ITPKB: variants seen among roughly 807,000 people sequenced by gnomAD.
The protein encoded by ITPKB is IP3 3-kinase B.
A neutral mutation model predicts 69.4 loss-of-function variants in ITPKB; 13 were observed. The observed-to-expected ratio is 0.19, with a 90% CI of 0.12 to 0.30. ITPKB has a LOEUF of 0.30. Ranked by LOEUF, ITPKB falls within the 10% of genes least tolerant of loss-of-function variation. The pLI, the probability that ITPKB is intolerant of heterozygous loss-of-function variation, is 1.00. For synonymous variants in ITPKB, 584 were observed against 513.7 expected, an observed-to-expected ratio of 1.14 and a Z score of -1.85; for missense variants, 1,240 against 1,250.5, an observed-to-expected ratio of 0.99 and a Z score of 0.13.
chr1:226,712,821 G>A (rs1457710024), intron 2 of ITPKB, among the ~76,000 whole-genome samples: 1 of 152,148 alleles, frequency 6.6e-6, no homozygotes, highest in Non-Finnish European at 1.5e-5. Flanking sequence ...GGTGCATCAC[G>A]GAGCACCCTG....
intron 2 of ITPKB, among the ~76,000 whole-genome samples, chr1:226,732,056 TC>T (rs1443486682): frequency 2.0e-5 from 3 of 147,400 alleles, no homozygotes; most frequent in Non-Finnish European, 4.4e-5. Flanking sequence ...GTGTATGAGT[TC>T]GTTTTTCACT....
At chr1:226,721,134 G>A (rs1005028224) in intron 2 of ITPKB, among the ~76,000 whole-genome samples, 6 of 151,138 alleles carry the variant, frequency 4.0e-5, no homozygotes, top group African/African-American at 1.5e-4. Context: ...ACCTGAGGTC[G>A]GGAGTTCGAG....
chr1:226,672,358 C>T (rs1258532163), intron 2 of ITPKB, among the ~76,000 whole-genome samples: 1 of 152,180 alleles, frequency 6.6e-6, no homozygotes, highest in East Asian at 1.9e-4. Flanking sequence ...CACTCGTACT[C>T]CATAGTTCAA....
chr1:226,643,045 C>T (rs984032781), intron 4 of ITPKB, among the ~76,000 whole-genome samples: 1 of 152,206 alleles, frequency 6.6e-6, no homozygotes, highest in African/African-American at 2.4e-5. Context: ...CGACACCAGG[C>T]CTCCTCATAG....
intron 2 of ITPKB, among the ~76,000 whole-genome samples, chr1:226,682,743 G>A (rs545620752): frequency 6.6e-6 from 1 of 152,184 alleles, no homozygotes; most frequent in Non-Finnish European, 1.5e-5. Context: ...AGACTTCCTT[G>A]GGGAGGAGCT....
chr1:226,731,978 A>C (rs1657600332), intron 2 of ITPKB, among the ~76,000 whole-genome samples: 1 of 151,834 alleles, frequency 6.6e-6, no homozygotes, highest in African/African-American at 2.4e-5. Flanking sequence ...GTTTACCCCA[A>C]ACTAAAATTT....
chr1:226,726,012 A>G (rs1469273179), intron 2 of ITPKB, among the ~76,000 whole-genome samples: 1 of 152,198 alleles, frequency 6.6e-6, no homozygotes, highest in East Asian at 1.9e-4. Flanking sequence ...TTTTTGTAAA[A>G]AAGCAAAGTC....
Position 226,737,043 on chromosome 1 carries a change from T to C in ITPKB, c.416A>G (p.Gln139Arg), listed in dbSNP as rs893891607. The change falls in exon 2 of 8, where the codon CAG (glutamine) becomes CGG (arginine). Residue 139 changes from glutamine (Q) to arginine (R), a missense_variant. Gln to Arg is a conservative substitution (Grantham distance 43). This residue lies in a region of ITPKB where 992 missense variants were observed against 853.8 expected (regional missense o/e 1.16). Transcript: ENST00000429204. The part of the protein sequence containing the change: ...RKLRILQREL[Q>R]NVQVNQKVGM... ...CACTTTCTGGTTCACCTGCACGTTC[T>C]GCAACTCGCGCTGCAAGATCCGCAG... 6.2e-6 allele frequency: 10 copies of C among 1,612,242 alleles called. No individual in the cohort carries two copies. The highest frequency in any genetic ancestry group is 3.3e-5 in the Admixed American group (2 of 60,012).
rs763407088 is a variant in ITPKB at position 226,736,325 on chromosome 1, G to A, written c.1134C>T (p.Pro378=). The change falls in exon 2 of 8, where the codon CCC becomes CCT. Residue 378 remains proline, a synonymous_variant. Coordinates refer to ENST00000429204, the MANE Select transcript of ITPKB (RefSeq NM_002221.4). ...GCTCCCCAGAGCCCGGCATGCCACA[G>A]GGCAGATATCCTTTCCCCATCTTCC... is the stretch of plus-strand genomic sequence containing the variant. ...PPGKMGKGYL[P]CGMPGSGEPE... The A allele has an allele frequency of 1.9e-6, 3 of 1,612,030 alleles. No individual in the cohort carries two copies. In the South Asian group the frequency reaches 3.3e-5, roughly 18 times the overall value.
At chr1:226,662,808 T>C (rs1669424520) in intron 2 of ITPKB, among the ~76,000 whole-genome samples, 1 of 152,236 alleles carries the variant, frequency 6.6e-6, no homozygotes, top group Non-Finnish European at 1.5e-5. Flanking sequence ...TGTGGCTAAA[T>C]GGCACTCAGC....
intron 2 of ITPKB, among the ~76,000 whole-genome samples, chr1:226,702,302 C>A (rs1435163140): frequency 1.3e-5 from 2 of 151,256 alleles, no homozygotes; most frequent in African/African-American, 4.9e-5. Flanking sequence ...GAGACTGAGG[C>A]AGGGAGAATT....
Position 226,647,176 on chromosome 1 carries a change from A to G in ITPKB, c.2237T>C (p.Met746Thr). The G allele has an allele frequency of 6.2e-7, 1 of 1,614,166 alleles. No individual in the cohort carries two copies. Among genetic ancestry groups the G allele is most frequent in the Non-Finnish European group, 8.5e-7 (1 of 1,179,986 alleles). The change falls in exon 4 of 8, where the codon ATG (methionine) becomes ACG (threonine). Residue 746 changes from methionine to threonine, a missense_variant. This residue lies in a region of ITPKB where 248 missense variants were observed against 396.7 expected (regional missense o/e 0.63). Coordinates refer to ENST00000429204, the MANE Select transcript of ITPKB (RefSeq NM_002221.4). ...FDSPCVMDCKMGIRTYLEEEL... is the reference protein window; with the variant it reads ...FDSPCVMDCKTGIRTYLEEEL... Reference sequence around the variant, plus strand: ...GAGAAGCCTGGCTCACCTGATTCCCATCTTGCAGTCCATCACACAGGGCGA... The same window carrying G: ...GAGAAGCCTGGCTCACCTGATTCCCGTCTTGCAGTCCATCACACAGGGCGA...
intron 2 of ITPKB, among the ~76,000 whole-genome samples, chr1:226,668,200 T>A (rs1293077997): frequency 6.6e-6 from 1 of 152,230 alleles, no homozygotes; most frequent in Admixed American, 6.5e-5. Flanking sequence ...CTTTTAATAA[T>A]ATATGTAAGC....
chr1:226,732,241 T>C (rs1168201680), intron 2 of ITPKB, among the ~76,000 whole-genome samples: 1 of 152,158 alleles, frequency 6.6e-6, no homozygotes, highest in Non-Finnish European at 1.5e-5. Context: ...TTTGTTTTTG[T>C]TTTTTGTTTT....
intron 2 of ITPKB, among the ~76,000 whole-genome samples, chr1:226,681,695 C>T (rs1447288661): frequency 6.6e-6 from 1 of 152,150 alleles, no homozygotes; most frequent in Non-Finnish European, 1.5e-5. Flanking sequence ...TCATCCTCTC[C>T]CACCTGCAAC....
chr1:226,660,135 T>C (rs1669374464), intron 2 of ITPKB, among the ~76,000 whole-genome samples: 1 of 152,182 alleles, frequency 6.6e-6, no homozygotes, highest in South Asian at 2.1e-4. Flanking sequence ...CCAGGGGTCT[T>C]TTTCACTCAA....
chr1:226,722,103 G>A (rs1003779416), intron 2 of ITPKB, among the ~76,000 whole-genome samples: 2 of 152,122 alleles, frequency 1.3e-5, no homozygotes, highest in Non-Finnish European at 2.9e-5. Flanking sequence ...ATGAGCCACC[G>A]CACCCAGCCA....
At chr1:226,693,398 C>T (rs1656404095) in intron 2 of ITPKB, among the ~76,000 whole-genome samples, 1 of 152,204 alleles carries the variant, frequency 6.6e-6, no homozygotes, top group Non-Finnish European at 1.5e-5. Context: ...CTAAGAGTCA[C>T]TGCTTTAGAA....
At chr1:226,653,167 G>T (rs79566178) in intron 2 of ITPKB, among the ~76,000 whole-genome samples, 1 of 152,168 alleles carries the variant, frequency 6.6e-6, no homozygotes, top group South Asian at 2.1e-4. Context: ...TTTTACAGAT[G>T]AAAGAGTCTG....
Sources: allele counts gnomAD v4.1 joint callset (sites outside exome capture counted in the v4.1 genomes callset), GRCh38; gene constraint gnomAD v4.1.1; regional missense constraint gnomAD v4.1.1; transcripts MANE v1.5; gene names NCBI Gene and HGNC (gene_info 2026-07-23, HGNC 2026-07-21).